CADM1: variants seen among roughly 807,000 people sequenced by gnomAD.
The protein encoded by CADM1 is cell adhesion molecule 1.
A neutral mutation model predicts 53.1 loss-of-function variants in CADM1; 15 were observed. That is an observed-to-expected ratio of 0.28 (90% CI 0.19 to 0.44). CADM1 has a LOEUF of 0.44. CADM1 is among the 20% of genes least tolerant of loss of function. CADM1 has a pLI of 1.00. For synonymous variants in CADM1, 281 were observed against 243.0 expected (o/e 1.16, Z -1.45); for missense variants, 434 against 611.3 (o/e 0.71, Z 3.06).
At chr11:115,343,283 T>C (rs986913534) in intron 1 of CADM1, among the ~76,000 whole-genome samples, 2 of 152,174 alleles carry the variant, frequency 1.3e-5, no homozygotes, top group Non-Finnish European at 2.9e-5. Context: ...TGATCTTACA[T>C]ATATAGAGCT....
At chr11:115,436,241 A>T (rs1248629415) in intron 1 of CADM1, among the ~76,000 whole-genome samples, 1 of 152,134 alleles carries the variant, frequency 6.6e-6, no homozygotes, top group Non-Finnish European at 1.5e-5. Flanking sequence ...AAGGATCCCA[A>T]GTTCTCCATT....
intron 10 of CADM1, among the ~76,000 whole-genome samples, chr11:115,185,806 G>A (rs1192777903): frequency 2.6e-5 from 4 of 152,234 alleles, no homozygotes; most frequent in Non-Finnish European, 5.9e-5. Context: ...AAACAGGACA[G>A]TTGTCGAGTA....
intron 1 of CADM1, among the ~76,000 whole-genome samples, chr11:115,461,398 G>A (rs2135373436): frequency 6.6e-6 from 1 of 152,296 alleles, no homozygotes; most frequent in Middle Eastern, 3.4e-3. Context: ...ACTGCAAACT[G>A]TGGAGAATCG....
intron 9 of CADM1, 153 bp from the exon 10 acceptor site, chr11:115,191,094 TTTC>T (rs1338888209): frequency 4.7e-6 from 3 of 641,984 alleles, no homozygotes; most frequent in South Asian, 3.9e-5. Context: ...CATAAGTACA[TTTC>T]TTCAATTATG....
intron 1 of CADM1, among the ~76,000 whole-genome samples, chr11:115,370,701 A>G (rs4245162): frequency 0.38 from 58,205 of 151,916 alleles, 11,503 homozygotes; most frequent in Non-Finnish European, 0.43. Flanking sequence ...ATGGTATCTT[A>G]ATATGGCAGC....
Position 115,383,686 on chromosome 11 carries a change from T to C in CADM1, c.124+120585A>G, listed in dbSNP as rs536891535. ...CCCCCCATGACTTGCTTAGAAAATA[T>C]GCACAGTGCAAAAAAGTTTATAAAA... On this transcript the variant is annotated intron_variant, in intron 1 of 11. Transcript: ENST00000331581. Among the ~76,000 whole-genome samples the C allele has an allele frequency of 1.6e-4, 24 of 152,328 alleles. 1 individual carries two copies. In the South Asian group the frequency reaches 5.0e-3, roughly 32 times the overall value.
intron 3 of CADM1, among the ~76,000 whole-genome samples, chr11:115,236,185 C>G (rs758779494): frequency 7.9e-5 from 12 of 152,182 alleles, no homozygotes; most frequent in Non-Finnish European, 1.5e-4. Flanking sequence ...TGTGTAAGTA[C>G]GCATGGAGTC....
At chr11:115,299,071 C>G (rs1944152310) in intron 1 of CADM1, among the ~76,000 whole-genome samples, 1 of 152,176 alleles carries the variant, frequency 6.6e-6, no homozygotes, top group Admixed American at 6.5e-5. Context: ...ATCACTAACT[C>G]AAATTGCTTT....
At chr11:115,390,111 G>C (rs1417134122) in intron 1 of CADM1, among the ~76,000 whole-genome samples, 1 of 152,106 alleles carries the variant, frequency 6.6e-6, no homozygotes, top group African/African-American at 2.4e-5. Context: ...TGGGATTACT[G>C]TGTACCCTCC....
intron 1 of CADM1, among the ~76,000 whole-genome samples, chr11:115,313,328 C>T (rs376053428): frequency 2.0e-5 from 3 of 152,102 alleles, no homozygotes; most frequent in Non-Finnish European, 2.9e-5. Context: ...AATGAAGCAA[C>T]CATTCAAATG....
chr11:115,287,734 G>C (rs1943768389), intron 1 of CADM1, among the ~76,000 whole-genome samples: 1 of 152,202 alleles, frequency 6.6e-6, no homozygotes, highest in Non-Finnish European at 1.5e-5. Context: ...TGGATCATCA[G>C]AAAGGTTAAC....
chr11:115,404,844 GAA>G (rs774430187), intron 1 of CADM1, among the ~76,000 whole-genome samples: 2 of 52,374 alleles, frequency 3.8e-5, no homozygotes, highest in Non-Finnish European at 4.0e-5. Context: ...CCTGCCTCAG[GAA>G]AAAAAAAAAA....
intron 1 of CADM1, among the ~76,000 whole-genome samples, chr11:115,422,344 C>G (rs934173807): frequency 6.6e-6 from 1 of 152,140 alleles, no homozygotes; most frequent in African/African-American, 2.4e-5. Flanking sequence ...GTTCGTTTGA[C>G]CCGAAGCTGC....
intron 9 of CADM1, among the ~76,000 whole-genome samples, chr11:115,195,636 T>C (rs1022833210): frequency 1.7e-4 from 26 of 152,174 alleles, no homozygotes; most frequent in Non-Finnish European, 1.2e-4. Context: ...AATGAAGAAG[T>C]TGGGTTTTCA....
At chr11:115,406,845 G>A (rs1947327077) in intron 1 of CADM1, among the ~76,000 whole-genome samples, 1 of 151,506 alleles carries the variant, frequency 6.6e-6, no homozygotes, top group African/African-American at 2.4e-5. Flanking sequence ...GCTACTTCAG[G>A]AGGCTGAGGC....
intron 1 of CADM1, among the ~76,000 whole-genome samples, chr11:115,416,173 AC>A (rs1419936102): frequency 6.6e-6 from 1 of 152,228 alleles, no homozygotes; most frequent in East Asian, 1.9e-4. Context: ...TCCACAGAAG[AC>A]ACTGACAGAA....
At position 115,317,041 on chromosome 11, in the gene CADM1, G is replaced by A. The variant is rs79113628; in HGVS notation, c.125-76621C>T. ...AAGGAAGTGGAATGAATATAAATAC[G>A]AAGCACACTTAAACACCTAGGACAT... On this transcript the variant is annotated intron_variant, in intron 1 of 11. Coordinates refer to ENST00000331581, the MANE Select transcript of CADM1 (RefSeq NM_001301043.2). Among the ~76,000 whole-genome samples the A allele has an allele frequency of 2.8e-3, 423 of 152,202 alleles. 2 individuals carry two copies. The highest frequency in any genetic ancestry group is 9.5e-3 in the African/African-American group (393 of 41,538).
At chr11:115,211,230 A>C (rs1253295442) in intron 7 of CADM1, among the ~76,000 whole-genome samples, 1 of 152,170 alleles carries the variant, frequency 6.6e-6, no homozygotes, top group Admixed American at 6.5e-5. Context: ...ATTTGGATGC[A>C]CCTACACACC....
intron 1 of CADM1, among the ~76,000 whole-genome samples, chr11:115,277,817 A>G (rs2135067597): frequency 6.6e-6 from 1 of 152,304 alleles, no homozygotes; most frequent in East Asian, 1.9e-4. Flanking sequence ...AGCTGTACAG[A>G]CAGAATAGAC....
Sources: gnomAD v4.1 joint callset for allele counts (sites outside exome capture counted in the v4.1 genomes callset) on GRCh38, gnomAD v4.1.1 for gene constraint, MANE v1.5 for transcripts, NCBI Gene and HGNC (gene_info 2026-07-23, HGNC 2026-07-21) for gene names.